The following LDAH variants were observed in gnomAD, a reference collection of about 807,000 sequenced individuals.
LDAH encodes the protein lipid droplet associated hydrolase, also known as lipid droplet-associated hydrolase.
In LDAH, 26 loss-of-function variants were observed where a neutral mutation model predicts 29.6. That is an observed-to-expected ratio of 0.88 (90% CI 0.64 to 1.22). The LOEUF (loss-of-function observed/expected upper bound fraction) is 1.22, where lower values mean the gene tolerates loss of function less well. Ranked by LOEUF, LDAH falls within the 50% of genes most tolerant of loss-of-function variation. LDAH has a pLI of 0.00. For missense variants in LDAH, 344 were observed against 387.3 expected, an observed-to-expected ratio of 0.89 and a Z score of 0.94; for synonymous variants, 117 against 133.0, an observed-to-expected ratio of 0.88 and a Z score of 0.83.
intron 5 of LDAH, among the ~76,000 whole-genome samples, chr2:20,723,262 C>T (rs921418162): frequency 5.3e-5 from 8 of 151,984 alleles, no homozygotes; most frequent in African/African-American, 1.9e-4. Flanking sequence ...ATTTAAAGTC[C>T]AAAACCAGGT....
intron 5 of LDAH, among the ~76,000 whole-genome samples, chr2:20,730,082 C>CT (rs1254245094): frequency 6.6e-6 from 1 of 152,258 alleles, no homozygotes; most frequent in East Asian, 1.9e-4. Flanking sequence ...TTAAGGGTTG[C>CT]TTTTTTTCAC....
At chr2:20,730,356 G>A (rs1417847953) in intron 5 of LDAH, among the ~76,000 whole-genome samples, 1 of 152,154 alleles carries the variant, frequency 6.6e-6, no homozygotes, top group Non-Finnish European at 1.5e-5. Flanking sequence ...GGGTCATAGG[G>A]TAGCTGCGTG....
At chr2:20,805,895 T>C (rs1432397861) in intron 1 of LDAH, among the ~76,000 whole-genome samples, 1 of 141,544 alleles carries the variant, frequency 7.1e-6, no homozygotes, top group Non-Finnish European at 1.5e-5. Flanking sequence ...TGATTCTATG[T>C]AAATATAATA....
chr2:20,701,699 A>C (rs1347699039), intron 5 of LDAH, 47 bp from the exon 6 acceptor site: 8 of 1,480,632 alleles, frequency 5.4e-6, no homozygotes, highest in East Asian at 2.3e-5. Context: ...ATATAGAACA[A>C]ACACAAATTT....
intron 6 of LDAH, among the ~76,000 whole-genome samples, chr2:20,694,876 C>T (rs904707336): frequency 3.9e-5 from 6 of 152,240 alleles, no homozygotes; most frequent in African/African-American, 1.2e-4. Flanking sequence ...ATACAAGCCA[C>T]GAGGCCATCA....
chr2:20,761,386 AT>A (rs530433834), intron 4 of LDAH, among the ~76,000 whole-genome samples: 4 of 86,360 alleles, frequency 4.6e-5, no homozygotes, highest in African/African-American at 8.6e-5. Context: ...TCTTGTGGCT[AT>A]AAAAAAAAAT....
intron 3 of LDAH, among the ~76,000 whole-genome samples, chr2:20,779,454 T>C (rs1572613356): frequency 6.6e-6 from 1 of 152,060 alleles, no homozygotes; most frequent in Admixed American, 6.6e-5. Flanking sequence ...ATTCTGCTCA[T>C]GTATACCTTT....
At chr2:20,810,748 TAGC>T (rs1672415875) in intron 1 of LDAH, among the ~76,000 whole-genome samples, 1 of 152,168 alleles carries the variant, frequency 6.6e-6, no homozygotes, top group South Asian at 2.1e-4. Flanking sequence ...CCAGGCCACA[TAGC>T]AGGAGATAAG....
intron 3 of LDAH, among the ~76,000 whole-genome samples, chr2:20,781,494 T>C (rs1437408): frequency 0.04 from 6,033 of 152,316 alleles, 392 homozygotes; most frequent in African/African-American, 0.14. Flanking sequence ...CTTAGGACAA[T>C]CTTGGACAGC....
intron 2 of LDAH, among the ~76,000 whole-genome samples, chr2:20,799,694 G>C (rs752641469): frequency 2.2e-4 from 33 of 151,698 alleles, no homozygotes; most frequent in African/African-American, 7.3e-4. Flanking sequence ...ACCCTTCCCA[G>C]CCTTTAGTAT....
intron 5 of LDAH, among the ~76,000 whole-genome samples, chr2:20,703,709 C>G (rs1029512648): frequency 2.6e-5 from 4 of 152,120 alleles, no homozygotes; most frequent in Non-Finnish European, 4.4e-5. Context: ...TTTCCAGGAC[C>G]CTGAGACCTT....
chr2:20,746,522 A>C (rs1352055525), intron 4 of LDAH, among the ~76,000 whole-genome samples: 1 of 152,144 alleles, frequency 6.6e-6, no homozygotes, highest in East Asian at 1.9e-4. Flanking sequence ...ACTAATACTT[A>C]GTTGATGAGA....
intron 3 of LDAH, chr2:20,789,342 T>C: frequency 1.3e-6 from 2 of 1,525,176 alleles, no homozygotes; most frequent in Admixed American, 2.1e-5. Flanking sequence ...GAATGCCACC[T>C]GTGAATCGGG....
At chr2:20,811,417 G>A (rs989338497) in intron 1 of LDAH, among the ~76,000 whole-genome samples, 1 of 152,094 alleles carries the variant, frequency 6.6e-6, no homozygotes, top group Non-Finnish European at 1.5e-5. Flanking sequence ...AGTTTGGGAA[G>A]ATGTTGGAGG....
chr2:20,725,404 G>C (rs1665943031), intron 5 of LDAH, among the ~76,000 whole-genome samples: 1 of 152,150 alleles, frequency 6.6e-6, no homozygotes, highest in Non-Finnish European at 1.5e-5. Flanking sequence ...GAAATAAACG[G>C]TAGACCTCAC....
chr2:20,693,660 A>G (rs1663203402), intron 6 of LDAH, among the ~76,000 whole-genome samples: 1 of 152,264 alleles, frequency 6.6e-6, no homozygotes, highest in Non-Finnish European at 1.5e-5. Flanking sequence ...CCTAAGCTAT[A>G]GTGCCCTTTG....
chr2:20,700,088 C>T (rs7568103), intron 6 of LDAH, among the ~76,000 whole-genome samples: 8,367 of 152,286 alleles, frequency 0.055, 290 homozygotes, highest in East Asian at 0.13. Context: ...GAACTCCCAA[C>T]CTGGAAGAAC....
intron 4 of LDAH, among the ~76,000 whole-genome samples, chr2:20,771,631 TG>T (rs201754855): frequency 2.3e-3 from 350 of 152,310 alleles, no homozygotes; most frequent in African/African-American, 7.1e-3. Context: ...AGGTGTTTAA[TG>T]GGGGCTGGGG....
At chr2:20,769,324 C>G (rs1403611767) in intron 4 of LDAH, among the ~76,000 whole-genome samples, 2 of 152,190 alleles carry the variant, frequency 1.3e-5, no homozygotes, top group Non-Finnish European at 2.9e-5. Flanking sequence ...CTCATTTTGC[C>G]TTCCGTGTCT....
Sources: allele counts gnomAD v4.1 joint callset (sites outside exome capture counted in the v4.1 genomes callset), GRCh38; gene constraint gnomAD v4.1.1; transcripts MANE v1.5; gene names NCBI Gene and HGNC (gene_info 2026-07-23, HGNC 2026-07-21).